Variants in UTY observed in about 807,000 individuals in gnomAD.
UTY encodes ubiquitously transcribed tetratricopeptide repeat containing, Y-linked.
Under a neutral mutation model 32.5 loss-of-function variants are expected in UTY, and 12 were observed. The observed-to-expected ratio is 0.37, with a 90% CI of 0.24 to 0.60. The LOEUF is 0.60. Among genes scored for constraint, UTY ranks in the 20% least tolerant of loss-of-function variants. The pLI, the probability that UTY is intolerant of heterozygous loss-of-function variation, is 0.69. For missense variants in UTY, 303 were observed against 299.2 expected (o/e 1.01, Z -0.09); for synonymous variants, 131 against 103.4 (o/e 1.27, Z -1.62).
intron 2 of UTY, among the ~76,000 whole-genome samples, chrY:13,474,390 C>T (rs567959424): frequency 3.1e-5 from 1 of 32,446 alleles, no homozygotes; most frequent in Non-Finnish European, 7.6e-5. Context: ...TCCAATGAAA[C>T]ACAAAGGAAG....
chrY:13,390,656 T>A (rs2067453522), intron 8 of UTY, among the ~76,000 whole-genome samples: 1 of 33,514 alleles, frequency 3.0e-5, no homozygotes, highest in Non-Finnish European at 7.4e-5. Flanking sequence ...TACTTTTATC[T>A]CGTTAGTATT....
chrY:13,448,911 A>G, intron 4 of UTY, 106 bp downstream of exon 4: 1 of 194,803 alleles, frequency 5.1e-6, no homozygotes, highest in Non-Finnish European at 8.8e-6. Context: ...TCCTCATAGC[A>G]GTTACAACTA....
intron 27 of UTY, among the ~76,000 whole-genome samples, chrY:13,282,556 G>A: frequency 3.0e-5 from 1 of 33,389 alleles, no homozygotes; most frequent in Non-Finnish European, 7.4e-5. Flanking sequence ...TCTGACCACC[G>A]GTGCATGCAG....
intron 4 of UTY, among the ~76,000 whole-genome samples, chrY:13,426,749 G>A: frequency 3.2e-5 from 1 of 31,503 alleles, no homozygotes; most frequent in Admixed American, 2.9e-4. Flanking sequence ...TTTCAAACAC[G>A]AAAGAAAGAA....
intron 17 of UTY, among the ~76,000 whole-genome samples, chrY:13,351,821 A>T: frequency 2.9e-5 from 1 of 33,934 alleles, no homozygotes; most frequent in Non-Finnish European, 7.3e-5. Context: ...ATTACCACGT[A>T]GTCCAGACAT....
chrY:13,455,391 T>A (rs957786001), intron 3 of UTY, among the ~76,000 whole-genome samples: 1 of 33,164 alleles, frequency 3.0e-5, no homozygotes, highest in Non-Finnish European at 7.4e-5. Flanking sequence ...AGAAAGACTA[T>A]CCATAATCAC....
chrY:13,293,924 A>T, intron 27 of UTY, among the ~76,000 whole-genome samples: 11 of 33,701 alleles, frequency 3.3e-4, no homozygotes, highest in Non-Finnish European at 1.5e-4. Flanking sequence ...TGATACGGAA[A>T]ATTAAAGGCA....
intron 21 of UTY, among the ~76,000 whole-genome samples, chrY:13,321,760 G>A (rs1444283256): frequency 3.3e-4 from 11 of 33,298 alleles, no homozygotes; most frequent in Non-Finnish European, 8.1e-4. Flanking sequence ...GGGAAATGTC[G>A]TCAGGACTTC....
At chrY:13,455,967 A>C (rs780243012) in intron 3 of UTY, among the ~76,000 whole-genome samples, 1 of 31,731 alleles carries the variant, frequency 3.2e-5, no homozygotes, top group South Asian at 7.3e-4. Context: ...CATCAAGTAT[A>C]ATCTCCACAG....
At chrY:13,345,231 G>A in intron 17 of UTY, among the ~76,000 whole-genome samples, 1 of 32,782 alleles carries the variant, frequency 3.1e-5, no homozygotes, top group African/African-American at 1.2e-4. Flanking sequence ...CTCAGGACCC[G>A]CGGCCAGTCA....
At chrY:13,423,610 T>C in intron 4 of UTY, among the ~76,000 whole-genome samples, 1 of 33,277 alleles carries the variant, frequency 3.0e-5, no homozygotes, top group African/African-American at 1.2e-4. Context: ...TACTACCCCT[T>C]TGTCATTTGA....
At chrY:13,257,638 A>C in intron 28 of UTY, among the ~76,000 whole-genome samples, 2 of 33,709 alleles carry the variant, frequency 5.9e-5, no homozygotes, top group East Asian at 1.6e-3. Flanking sequence ...TAGGTAAAAT[A>C]ATAACTTGGG....
intron 17 of UTY, among the ~76,000 whole-genome samples, chrY:13,341,350 T>C (rs2061473240): frequency 3.1e-5 from 1 of 31,905 alleles, no homozygotes; most frequent in Non-Finnish European, 7.6e-5. Flanking sequence ...GTGGTCTTAG[T>C]TGGAGGAGAA....
chrY:13,355,057 G>A lies in UTY; in HGVS notation c.2007C>T (p.Asp669=). 10 of 398,671 alleles carry A rather than the reference G, an allele frequency of 2.5e-5. No homozygotes were observed. The highest frequency in any genetic ancestry group is 2.8e-5 in the Non-Finnish European group (8 of 283,593). Reference sequence around the variant, plus strand: ...ATGGCTCTTCTGTGCTGCTGTTCAGGTCTGTATGATTATGAGGTAGAGTGT... The same window carrying A: ...ATGGCTCTTCTGTGCTGCTGTTCAGATCTGTATGATTATGAGGTAGAGTGT... The part of the protein sequence containing the change: ...NTHTLPHNHT[D]LNSSTEEPWR... The change falls in exon 17 of 30, where the codon GAC becomes GAT. Residue 669 remains aspartate, a synonymous_variant. Transcript: ENST00000545955.
At chrY:13,411,257 G>A (rs2070919448) in intron 5 of UTY, 144 bp from the exon 6 acceptor site, 1 of 128,581 alleles carries the variant, frequency 7.8e-6, no homozygotes, top group Admixed American at 1.6e-4. Context: ...GAAAAGATTA[G>A]AAAGGGATAA....
At chrY:13,386,360 A>C in intron 8 of UTY, among the ~76,000 whole-genome samples, 1 of 30,644 alleles carries the variant, frequency 3.3e-5, no homozygotes, top group Non-Finnish European at 7.9e-5. Flanking sequence ...TCGGCCTCCC[A>C]AAGTGCTGGG....
chrY:13,296,251 C>G, intron 27 of UTY, among the ~76,000 whole-genome samples: 1 of 34,112 alleles, frequency 2.9e-5, no homozygotes. Flanking sequence ...GAACAGCATC[C>G]TGAGGTGGCT....
chrY:13,268,851 G>A (rs983907420), intron 27 of UTY, among the ~76,000 whole-genome samples: 93 of 33,421 alleles, frequency 2.8e-3, no homozygotes, highest in Non-Finnish European at 5.6e-3. Context: ...TATCACCAGC[G>A]AAGGCTGCAG....
rs2070686230 is a variant in UTY at position 13,410,054 on chromosome Y, T to C, written c.555+939A>G. On this transcript the variant is annotated intron_variant, in intron 6 of 29. Coordinates refer to ENST00000545955, the MANE Select transcript of UTY (RefSeq NM_001258249.2). Reference sequence around the variant, plus strand: ...ACTGTAACCATGTGTATAACTGTTATCTGGGTTAAGTCCCTCTAACAAATC... The same window carrying C: ...ACTGTAACCATGTGTATAACTGTTACCTGGGTTAAGTCCCTCTAACAAATC... Among the ~76,000 whole-genome samples, 3 of 33,957 alleles carry C rather than the reference T, an allele frequency of 8.8e-5. No homozygotes were observed. In the South Asian group the frequency reaches 1.9e-3, roughly 22 times the overall value. The allele number at this position is 33,957 out of a possible 37,273, so 91.1% of individuals were successfully genotyped here. A position where few individuals can be genotyped will look rare whatever the true frequency, so the allele number is the denominator to read the frequency against.
Sources: allele counts gnomAD v4.1 joint callset (sites outside exome capture counted in the v4.1 genomes callset), GRCh38; gene constraint gnomAD v4.1.1; transcripts MANE v1.5; gene names NCBI Gene and HGNC (gene_info 2026-07-23, HGNC 2026-07-21).